FER: variants seen among roughly 807,000 people sequenced by gnomAD.
FER encodes FER tyrosine kinase.
A neutral mutation model predicts 111.0 loss-of-function variants in FER; 63 were observed. The ratio of observed to expected loss-of-function variants is 0.57; its 90% confidence interval spans 0.46 to 0.70. FER has a LOEUF of 0.70. Ranked by LOEUF, FER falls within the 30% of genes least tolerant of loss-of-function variation. The pLI is 0.00. For missense variants in FER, 914 were observed against 954.0 expected, an observed-to-expected ratio of 0.96 and a Z score of 0.55; for synonymous variants, 327 against 313.9, an observed-to-expected ratio of 1.04 and a Z score of -0.44.
chr5:109,177,207 C>T (rs983066223), intron 17 of FER, among the ~76,000 whole-genome samples: 7 of 152,062 alleles, frequency 4.6e-5, no homozygotes, highest in Non-Finnish European at 7.4e-5. Context: ...TATATAAATA[C>T]ATTTTTATAA....
intron 3 of FER, among the ~76,000 whole-genome samples, chr5:108,827,854 G>A (rs1759636356): frequency 1.4e-5 from 2 of 139,184 alleles, no homozygotes; most frequent in Admixed American, 1.5e-4. Context: ...CCCAAGACAG[G>A]CTCTTGCTCT....
chr5:108,959,189 C>A, intron 12 of FER, 36 bp from the exon 13 acceptor site: 4 of 1,585,432 alleles, frequency 2.5e-6, no homozygotes, highest in Non-Finnish European at 3.4e-6. Context: ...AAAGCAATGT[C>A]TTCACATTTA....
rs1227310626 is a variant in FER at position 109,139,123 on chromosome 5, T to C, written c.2048+38604T>C. Reference sequence around the variant, plus strand: ...TCTAGTTGAAATATGGGGTGGAGGGTATAACATTGAGAGAGGCTCAAAAGG... The same window carrying C: ...TCTAGTTGAAATATGGGGTGGAGGGCATAACATTGAGAGAGGCTCAAAAGG... On this transcript the variant is annotated intron_variant, in intron 17 of 19. Transcript: ENST00000281092. Among the ~76,000 whole-genome samples, 4 of 151,960 alleles carry C rather than the reference T, an allele frequency of 2.6e-5. No individual in the cohort carries two copies. The East Asian group carries it at 7.8e-4, about 29-fold the overall frequency.
intron 17 of FER, among the ~76,000 whole-genome samples, chr5:109,162,112 G>A (rs75153692): frequency 0.093 from 14,113 of 151,682 alleles, 731 homozygotes; most frequent in Non-Finnish European, 0.12. Flanking sequence ...GTTTTTTCTT[G>A]TAAATGTTTC....
chr5:108,999,354 G>C (rs1041059124), intron 13 of FER, among the ~76,000 whole-genome samples: 5 of 152,148 alleles, frequency 3.3e-5, no homozygotes, highest in African/African-American at 1.2e-4. Flanking sequence ...TATGGATAGT[G>C]TGGCTCTGGT....
At chr5:108,774,449 T>C (rs981920074) in intron 2 of FER, among the ~76,000 whole-genome samples, 4 of 152,176 alleles carry the variant, frequency 2.6e-5, no homozygotes, top group African/African-American at 9.7e-5. Context: ...AAGTTGTATT[T>C]CTGGTTCTAG....
intron 16 of FER, among the ~76,000 whole-genome samples, chr5:109,060,340 G>C (rs1774229979): frequency 6.6e-6 from 1 of 152,130 alleles, no homozygotes; most frequent in South Asian, 2.1e-4. Flanking sequence ...GGCAGTCTTA[G>C]CTGAAAGCTT....
At chr5:109,071,268 T>C (rs1049220122) in intron 16 of FER, among the ~76,000 whole-genome samples, 2 of 152,014 alleles carry the variant, frequency 1.3e-5, no homozygotes, top group Admixed American at 1.3e-4. Flanking sequence ...TTTGACAGTC[T>C]TTGAGAATAT....
intron 1 of FER, among the ~76,000 whole-genome samples, chr5:108,760,662 T>TGAAG (rs1358301589): frequency 1.3e-5 from 2 of 152,206 alleles, no homozygotes; most frequent in East Asian, 3.9e-4. Context: ...AGTTGTCTTC[T>TGAAG]GAAGCTTCCT....
At chr5:108,883,833 T>G (rs1363682622) in intron 9 of FER, among the ~76,000 whole-genome samples, 1 of 151,964 alleles carries the variant, frequency 6.6e-6, no homozygotes, top group African/African-American at 2.4e-5. Flanking sequence ...CTACATCCAT[T>G]TTCACCAGAC....
chr5:109,002,754 A>G (rs1024749177), intron 13 of FER, among the ~76,000 whole-genome samples: 4 of 152,198 alleles, frequency 2.6e-5, no homozygotes, highest in East Asian at 1.9e-4. Flanking sequence ...AGAATCTACA[A>G]TGAACTCAAA....
intron 1 of FER, among the ~76,000 whole-genome samples, chr5:108,752,823 A>G (rs1368692914): frequency 1.3e-5 from 2 of 152,078 alleles, no homozygotes; most frequent in Admixed American, 1.3e-4. Context: ...GACAATTACT[A>G]ATTTTTATTC....
chr5:109,164,838 TCCTC>T (rs1267466277), intron 17 of FER, among the ~76,000 whole-genome samples: 1 of 152,112 alleles, frequency 6.6e-6, no homozygotes, highest in African/African-American at 2.4e-5. Flanking sequence ...ACTTTTCACT[TCCTC>T]CCTTCCACTT....
At chr5:109,130,461 A>G (rs573035857) in intron 17 of FER, among the ~76,000 whole-genome samples, 27 of 151,908 alleles carry the variant, frequency 1.8e-4, no homozygotes, top group African/African-American at 6.3e-4. Flanking sequence ...TGAACTACAT[A>G]TGTAATTTTA....
chr5:109,181,277 T>G (rs1013658150), intron 18 of FER, among the ~76,000 whole-genome samples: 3 of 152,196 alleles, frequency 2.0e-5, no homozygotes, highest in Non-Finnish European at 2.9e-5. Context: ...TCCTAAAATA[T>G]TAAGTCAATC....
chr5:108,835,189 C>A lies in FER; in HGVS notation c.382-519C>A, dbSNP rs541036054. 4.9e-3 allele frequency among the ~76,000 whole-genome samples: 554 copies of A among 113,380 alleles called. 77 individuals carry two copies. Among genetic ancestry groups the A allele is most frequent in the Non-Finnish European group, 8.3e-3 (453 of 54,728 alleles). The allele number at this position is 113,380 out of a possible 152,430, so 74.4% of individuals were successfully genotyped here. ...GTTATTTCTTCGTTTGCGCCACCCCCCCCCCCCCACTTTTTTTTTGAGTCA... is the reference window on the plus strand; with the variant it reads ...GTTATTTCTTCGTTTGCGCCACCCCACCCCCCCCACTTTTTTTTTGAGTCA... On this transcript the variant is annotated intron_variant, in intron 4 of 19. Coordinates refer to ENST00000281092, the MANE Select transcript of FER (RefSeq NM_005246.4).
chr5:108,959,339 A>T lies in FER; in HGVS notation c.1648A>T (p.Ile550Phe). The part of the protein sequence containing the change: ...KKSGVVLLNP[I>F]PKDKKWILSH... ...ATCAGGTGTAGTTCTGCTGAATCCT[A>T]TTCCTAAGGTAGGTGCTTATATACT... The change falls in exon 13 of 20, where the codon ATT becomes TTT. Residue 550 changes from isoleucine to phenylalanine, a missense_variant. Around this residue, in one of 3 missense-constraint regions of FER, gnomAD observed 774 missense variants for 782.6 expected, o/e 0.99. Transcript: ENST00000281092. The T allele has an allele frequency of 6.2e-7, 1 of 1,609,964 alleles. No individual in the cohort carries two copies. Among genetic ancestry groups the T allele is most frequent in the Non-Finnish European group, 8.5e-7 (1 of 1,177,876 alleles).
At chr5:109,059,087 C>A (rs1338270109) in intron 16 of FER, among the ~76,000 whole-genome samples, 1 of 152,004 alleles carries the variant, frequency 6.6e-6, no homozygotes, top group Non-Finnish European at 1.5e-5. Context: ...CCTCTTCCCA[C>A]CTTCTACTTA....
chr5:109,107,696 C>T (rs1010108942), intron 17 of FER, among the ~76,000 whole-genome samples: 3 of 152,010 alleles, frequency 2.0e-5, no homozygotes, highest in Non-Finnish European at 2.9e-5. Flanking sequence ...AACTAGTAAC[C>T]GGGAAGCAGT....
Sources: gnomAD v4.1 joint callset for allele counts (sites outside exome capture counted in the v4.1 genomes callset) on GRCh38, gnomAD v4.1.1 for gene constraint, gnomAD v4.1.1 regional missense constraint, MANE v1.5 for transcripts, NCBI Gene and HGNC (gene_info 2026-07-23, HGNC 2026-07-21) for gene names.